Variants in SMG9 observed in about 807,000 individuals in gnomAD.
SMG9 encodes the protein SMG9 nonsense mediated mRNA decay factor.
Under a neutral mutation model 64.0 loss-of-function variants are expected in SMG9, and 55 were observed. That is an observed-to-expected ratio of 0.86 (90% CI 0.69 to 1.08). SMG9 has a LOEUF of 1.08. SMG9 is among the 50% of genes least tolerant of loss of function. The pLI is 0.00. For missense variants in SMG9, 554 were observed against 681.3 expected (o/e 0.81, Z 2.08); for synonymous variants, 244 against 254.8 (o/e 0.96, Z 0.41).
intron 1 of SMG9, among the ~76,000 whole-genome samples, chr19:43,752,298 T>A (rs1969214236): frequency 6.6e-6 from 1 of 152,274 alleles, no homozygotes; most frequent in Non-Finnish European, 1.5e-5. Flanking sequence ...AGTATCTGTT[T>A]ACAGGTCCTT....
At chr19:43,748,555 C>T in intron 2 of SMG9, 1 of 465,116 alleles carries the variant, frequency 2.2e-6, no homozygotes, top group Non-Finnish European at 4.3e-6. Flanking sequence ...ATGGCAGGTG[C>T]TCACTATGTG....
chr19:43,748,559 C>G (rs1237348852), intron 2 of SMG9: 5 of 478,274 alleles, frequency 1.0e-5, no homozygotes, highest in Non-Finnish European at 1.7e-5. Context: ...CAGGTGCTCA[C>G]TATGTGAGAG....
intron 6 of SMG9, among the ~76,000 whole-genome samples, chr19:43,744,091 C>G (rs1968927173): frequency 6.6e-6 from 1 of 152,128 alleles, no homozygotes; most frequent in African/African-American, 2.4e-5. Flanking sequence ...AAGTTCTCCC[C>G]TCCCCAAAAC....
intron 9 of SMG9, 29 bp from the exon 10 acceptor site, chr19:43,734,524 TCTTGCA>T (rs1968595557): frequency 6.7e-7 from 1 of 1,496,146 alleles, no homozygotes; most frequent in East Asian, 2.5e-5. Context: ...TGGCTGTTGC[TCTTGCA>T]CTTGCACCCC....
chr19:43,741,990 A>G (rs1026560998), intron 6 of SMG9, among the ~76,000 whole-genome samples: 3 of 152,116 alleles, frequency 2.0e-5, no homozygotes, highest in African/African-American at 7.2e-5. Context: ...TCTATTAAAA[A>G]TACAAAAATT....
chr19:43,734,960 T>C (rs1178379890), intron 9 of SMG9: 1 of 154,054 alleles, frequency 6.5e-6, no homozygotes, highest in Non-Finnish European at 1.4e-5. Flanking sequence ...TGGACAAATG[T>C]ATAAAGGTGT....
chr19:43,740,018 T>TCCAC, intron 7 of SMG9, 89 bp downstream of exon 7: 1 of 945,934 alleles, frequency 1.1e-6, no homozygotes, highest in African/African-American at 1.6e-5. Flanking sequence ...GCACATGGAA[T>TCCAC]CCACGCAGGG....
At chr19:43,735,721 G>C (rs1968643728) in intron 9 of SMG9, among the ~76,000 whole-genome samples, 1 of 150,916 alleles carries the variant, frequency 6.6e-6, no homozygotes, top group East Asian at 1.9e-4. Flanking sequence ...ACATAAACCT[G>C]TTTTCTAAGG....
chr19:43,750,554 T>G (rs577468897), intron 2 of SMG9, 38 bp downstream of exon 2: 6 of 1,580,076 alleles, frequency 3.8e-6, no homozygotes, highest in Middle Eastern at 1.7e-4. Flanking sequence ...TGGAACCAAA[T>G]AGATACATGA....
chr19:43,738,564 A>T (rs1027416821), intron 7 of SMG9, among the ~76,000 whole-genome samples: 1 of 147,010 alleles, frequency 6.8e-6, no homozygotes, highest in Non-Finnish European at 1.5e-5. Flanking sequence ...TTACTTAGGT[A>T]AAAAAAAAAA....
chr19:43,737,934 G>A (rs1968726792), intron 8 of SMG9, 188 bp downstream of exon 8: 3 of 670,190 alleles, frequency 4.5e-6, no homozygotes, highest in Admixed American at 5.2e-5. Flanking sequence ...TGACTTGCCT[G>A]AGGGGCAGAG....
intron 8 of SMG9, 104 bp from the exon 9 acceptor site, chr19:43,737,786 C>A (rs1968720782): frequency 9.0e-7 from 1 of 1,113,978 alleles, no homozygotes; most frequent in Admixed American, 2.2e-5. Flanking sequence ...AGGCAAGGAG[C>A]CTTCAAGCAG....
chr19:43,747,823 G>A lies in SMG9; in HGVS notation c.300C>T (p.Leu100=). Residue 100 remains leucine, a synonymous_variant, in exon 4 of 14, where the codon CTC becomes CTT. Transcript: ENST00000270066. The stretch of plus-strand genomic sequence containing the variant: ...CCTTCCCCTCCTCCCGTGGCTTCAT[G>A]AGAACGATGGGCTTCTCCAGAGGGG... ...APAPLEKPIV[L]MKPREEGKGP... is the part of the protein sequence containing the mutation. The A allele has an allele frequency of 1.2e-6, 2 of 1,605,260 alleles. No homozygotes were observed. Among genetic ancestry groups the A allele is most frequent in the Non-Finnish European group, 1.7e-6 (2 of 1,175,324 alleles).
chr19:43,754,351 G>T (rs1320570977), intron 1 of SMG9: 1 of 152,238 alleles, frequency 6.6e-6, no homozygotes, highest in African/African-American at 2.4e-5. Flanking sequence ...TTCCCTCGGG[G>T]AACCCAACTC....
chr19:43,733,390 C>T lies in SMG9; in HGVS notation c.1273G>A (p.Glu425Lys). ...PGLPPDFLDSEVNLFLVPFMD... is the reference protein window; with the variant it reads ...PGLPPDFLDSKVNLFLVPFMD... ...AAGGGTACCAGGAATAAGTTGACCTCAGAGTCCAGGAAGTCAGGTGGAAGC... is the reference window on the plus strand; with the variant it reads ...AAGGGTACCAGGAATAAGTTGACCTTAGAGTCCAGGAAGTCAGGTGGAAGC... The change falls in exon 12 of 14, where the codon GAG becomes AAG. Residue 425 changes from glutamate (E) to lysine (K), a missense_variant. Coordinates refer to ENST00000270066, the MANE Select transcript of SMG9 (RefSeq NM_019108.4). 4 of 1,614,150 alleles carry T rather than the reference C, an allele frequency of 2.5e-6. No individual in the cohort carries two copies. Among genetic ancestry groups the T allele is most frequent in the Non-Finnish European group, 3.4e-6 (4 of 1,180,040 alleles).
At chr19:43,743,082 AAGAG>A (rs942885794) in intron 6 of SMG9, among the ~76,000 whole-genome samples, 12 of 151,928 alleles carry the variant, frequency 7.9e-5, no homozygotes, top group Non-Finnish European at 1.5e-4. Flanking sequence ...CAAAAAAAAA[AAGAG>A]AGAGAGAGAA....
At position 43,733,566 on chromosome 19, in the gene SMG9, C is replaced by T. The variant is rs147890786; in HGVS notation, c.1210+60G>A. On this transcript the variant is annotated intron_variant, in intron 11 of 13. Coordinates refer to ENST00000270066, the MANE Select transcript of SMG9 (RefSeq NM_019108.4). ...TAGTCTGGGGGTAGAGACTGACCCA[C>T]GGGGTTGGATCAGGAATTAGGAGGC... 3.2e-4 allele frequency: 506 copies of T among 1,605,320 alleles called. 3 individuals are homozygous for T. The East Asian group carries it at 0.01, about 33-fold the overall frequency.
At chr19:43,733,096 T>C in intron 12 of SMG9, 94 bp from the exon 13 acceptor site, 1 of 1,448,290 alleles carries the variant, frequency 6.9e-7, no homozygotes, top group Non-Finnish European at 9.3e-7. Context: ...CACCTGAGAG[T>C]TCAGCCCCGG....
chr19:43,751,669 C>A (rs1419693205), intron 1 of SMG9, among the ~76,000 whole-genome samples: 6 of 152,218 alleles, frequency 3.9e-5, no homozygotes, highest in African/African-American at 1.4e-4. Flanking sequence ...CCAGAAACTT[C>A]CCTTCACAGA....
Sources: allele counts gnomAD v4.1 joint callset (sites outside exome capture counted in the v4.1 genomes callset), GRCh38; gene constraint gnomAD v4.1.1; transcripts MANE v1.5; gene names NCBI Gene and HGNC (gene_info 2026-07-23, HGNC 2026-07-21).